The following LMO7 variants were observed in gnomAD, a reference collection of about 807,000 sequenced individuals.
LMO7 encodes LIM domain only protein 7.
Under a neutral mutation model 206.5 loss-of-function variants are expected in LMO7, and 120 were observed. That is an observed-to-expected ratio of 0.58 (90% confidence interval 0.50 to 0.68). The LOEUF (loss-of-function observed/expected upper bound fraction) is 0.68. LMO7 is among the 30% of genes least tolerant of loss of function. The pLI is 0.00. For synonymous variants in LMO7, 706 were observed against 681.5 expected, an observed-to-expected ratio of 1.04 and a Z score of -0.56; for missense variants, 1,959 against 1,957.9, an observed-to-expected ratio of 1.00 and a Z score of -0.01.
intron 1 of LMO7, among the ~76,000 whole-genome samples, chr13:75,640,758 A>G (rs975929231): frequency 6.6e-6 from 1 of 152,262 alleles, no homozygotes; most frequent in African/African-American, 2.4e-5. Flanking sequence ...TTTAAGGACC[A>G]GAACTCATTT....
intron 1 of LMO7, among the ~76,000 whole-genome samples, chr13:75,703,714 T>TTG (rs139490120): frequency 0.034 from 5,007 of 147,636 alleles, 98 homozygotes; most frequent in Middle Eastern, 0.068. Context: ...TTCAGGTTCT[T>TTG]TGTGTGTGTG....
Position 75,804,422 on chromosome 13 carries a change from AAGTAGAC to A in LMO7, c.798_804del (p.Arg267HisfsTer8). 1 of 1,614,176 alleles carries A rather than the reference AAGTAGAC, an allele frequency of 6.2e-7. No homozygotes were observed. The highest frequency in any genetic ancestry group is 8.5e-7 in the Non-Finnish European group (1 of 1,180,008). On this transcript the variant is annotated frameshift_variant, in exon 8 of 31. Coordinates refer to ENST00000377534, the MANE Select transcript of LMO7 (RefSeq NM_001306080.2). LOFTEE classifies it high-confidence loss of function. ...CCTTCAATCGTTTTTTACCCAACAAAAGTAGACAGCCATCCTATGTACCAGCACCTCT... is the reference window on the plus strand; with the variant it reads ...CCTTCAATCGTTTTTTACCCAACAAAAGCCATCCTATGTACCAGCACCTCT...
intron 4 of LMO7, among the ~76,000 whole-genome samples, chr13:75,789,786 T>C (rs2052993409): frequency 6.6e-6 from 1 of 152,190 alleles, no homozygotes; most frequent in Non-Finnish European, 1.5e-5. Flanking sequence ...GAAATATTTT[T>C]GATGCAGCCC....
At chr13:75,693,926 C>G (rs531703769) in intron 1 of LMO7, among the ~76,000 whole-genome samples, 8 of 152,222 alleles carry the variant, frequency 5.3e-5, no homozygotes, top group African/African-American at 1.9e-4. Flanking sequence ...GCTCTTTAGT[C>G]TCTGAACCTT....
chr13:75,774,456 C>G (rs1313973835), intron 4 of LMO7, among the ~76,000 whole-genome samples: 1 of 152,060 alleles, frequency 6.6e-6, no homozygotes, highest in Admixed American at 6.6e-5. Context: ...ATTTGTGTAT[C>G]CAAGTTTTGG....
intron 4 of LMO7, among the ~76,000 whole-genome samples, chr13:75,793,837 C>G (rs1164357648): frequency 6.6e-6 from 1 of 152,186 alleles, no homozygotes; most frequent in Non-Finnish European, 1.5e-5. Flanking sequence ...TCTCTTCCCA[C>G]AAGGGTAACC....
At chr13:75,645,362 T>C (rs1594028308) in intron 1 of LMO7, among the ~76,000 whole-genome samples, 1 of 152,160 alleles carries the variant, frequency 6.6e-6, no homozygotes. Flanking sequence ...TATTTTGTTA[T>C]ACCACCATTT....
chr13:75,700,888 C>T lies in LMO7; in HGVS notation c.70-12294C>T, dbSNP rs183637412. 7.9e-5 allele frequency among the ~76,000 whole-genome samples: 12 copies of T among 152,302 alleles called. No homozygotes were observed. In the East Asian group the frequency reaches 1.3e-3, roughly 17 times the overall value. On this transcript the variant is annotated intron_variant, in intron 1 of 30. Transcript: ENST00000377534. ...AAATCTTCCTTTTAATATTTCTGGA[C>T]TGTGGTTGACTGTGGGTAACTGCAA...
At chr13:75,810,349 G>A (rs1322110126) in intron 11 of LMO7, among the ~76,000 whole-genome samples, 5 of 152,212 alleles carry the variant, frequency 3.3e-5, no homozygotes, top group African/African-American at 1.2e-4. Context: ...AGTTTTGATA[G>A]CTTTTTATAA....
chr13:75,794,487 A>G (rs1471060094), intron 4 of LMO7, among the ~76,000 whole-genome samples: 1 of 152,198 alleles, frequency 6.6e-6, no homozygotes, highest in Non-Finnish European at 1.5e-5. Context: ...ATATATGAAT[A>G]TATATGTGTT....
At chr13:75,621,839 A>G (rs142562658) in exon 1 of LMO7, 2 of 1,607,740 alleles carry the variant, frequency 1.2e-6, no homozygotes, top group African/African-American at 2.7e-5. Context: ...GGTTGGCTGT[A>G]TCTCAGGGAC....
intron 3 of LMO7, among the ~76,000 whole-genome samples, chr13:75,756,277 A>G (rs926305889): frequency 3.9e-5 from 6 of 152,202 alleles, no homozygotes; most frequent in Non-Finnish European, 5.9e-5. Flanking sequence ...ATGAACCCCA[A>G]TAAGATTCAC....
chr13:75,623,891 G>T (rs2033671668), intron 2 of LMO7, among the ~76,000 whole-genome samples: 1 of 152,160 alleles, frequency 6.6e-6, no homozygotes, highest in Non-Finnish European at 1.5e-5. Flanking sequence ...ACTAGTGGGA[G>T]AATACAATCA....
chr13:75,726,967 A>C (rs1361647123), intron 2 of LMO7, 62 bp from the exon 3 acceptor site: 1 of 904,000 alleles, frequency 1.1e-6, no homozygotes, highest in Non-Finnish European at 1.8e-6. Flanking sequence ...ATTTTTGAGA[A>C]TGCTAACAAA....
intron 1 of LMO7, among the ~76,000 whole-genome samples, chr13:75,684,135 A>C (rs1279749529): frequency 6.6e-6 from 1 of 152,112 alleles, no homozygotes; most frequent in Non-Finnish European, 1.5e-5. Context: ...CCCTTGGCTG[A>C]GGGAAGGGGT....
intron 1 of LMO7, among the ~76,000 whole-genome samples, chr13:75,692,218 A>G (rs1472508084): frequency 6.6e-6 from 1 of 152,084 alleles, no homozygotes; most frequent in Non-Finnish European, 1.5e-5. Flanking sequence ...ATTTTGCTCA[A>G]GTATTCTTGA....
intron 3 of LMO7, chr13:75,760,480 TTCC>T: frequency 7.9e-7 from 1 of 1,258,794 alleles, no homozygotes; most frequent in South Asian, 2.7e-5. Flanking sequence ...AAACAGAATG[TTCC>T]TCCTCTTATT....
At chr13:75,720,974 ATTAC>A (rs1197179517) in intron 2 of LMO7, among the ~76,000 whole-genome samples, 1 of 152,182 alleles carries the variant, frequency 6.6e-6, no homozygotes, top group South Asian at 2.1e-4. Context: ...TGGACATGTG[ATTAC>A]TTATTTTAAA....
chr13:75,795,364 A>G, intron 4 of LMO7, 37 bp from the exon 5 acceptor site: 1 of 1,422,302 alleles, frequency 7.0e-7, no homozygotes, highest in Non-Finnish European at 9.7e-7. Flanking sequence ...TTTAAGGTTC[A>G]CGGATATTAC....
Sources: allele counts gnomAD v4.1 joint callset (sites outside exome capture counted in the v4.1 genomes callset), GRCh38; gene constraint gnomAD v4.1.1; transcripts MANE v1.5; gene names NCBI Gene and HGNC (gene_info 2026-07-23, HGNC 2026-07-21).